Variants in KIAA1328 observed in about 807,000 individuals in gnomAD.
The protein encoded by KIAA1328 is KIAA1328, also known as protein hinderin.
In KIAA1328, 52 loss-of-function variants were observed where a neutral mutation model predicts 68.1. That is an observed-to-expected ratio of 0.76 (90% CI 0.61 to 0.96). The LOEUF is 0.96. KIAA1328 is among the 40% of genes least tolerant of loss of function. The pLI is 0.00. For missense variants in KIAA1328, 641 were observed against 677.6 expected, an observed-to-expected ratio of 0.95 and a Z score of 0.60; for synonymous variants, 232 against 239.4, an observed-to-expected ratio of 0.97 and a Z score of 0.28.
At chr18:36,894,136 C>T (rs2048792043) in intron 5 of KIAA1328, among the ~76,000 whole-genome samples, 1 of 152,154 alleles carries the variant, frequency 6.6e-6, no homozygotes, top group Non-Finnish European at 1.5e-5. Context: ...ACCAAGTGTT[C>T]TGCTTTTTTC....
intron 7 of KIAA1328, among the ~76,000 whole-genome samples, chr18:37,100,247 G>A (rs375245958): frequency 2.6e-5 from 4 of 152,176 alleles, no homozygotes; most frequent in Non-Finnish European, 5.9e-5. Flanking sequence ...GAAGCACAAG[G>A]GGTCAGGCAA....
chr18:37,073,342 T>A (rs2056600363), intron 7 of KIAA1328, among the ~76,000 whole-genome samples: 1 of 152,114 alleles, frequency 6.6e-6, no homozygotes, highest in Non-Finnish European at 1.5e-5. Flanking sequence ...CATCAAAAAG[T>A]GGGCAAAGCA....
At chr18:37,214,329 A>G (rs1393126426) in intron 9 of KIAA1328, among the ~76,000 whole-genome samples, 1 of 152,150 alleles carries the variant, frequency 6.6e-6, no homozygotes, top group Non-Finnish European at 1.5e-5. Flanking sequence ...TTTTTGTGTA[A>G]GGTGTAAAGA....
chr18:36,991,944 C>G (rs1320192489), intron 6 of KIAA1328, among the ~76,000 whole-genome samples: 1 of 152,088 alleles, frequency 6.6e-6, no homozygotes, highest in Non-Finnish European at 1.5e-5. Flanking sequence ...TGTAGTTGTT[C>G]GGGGGCCACC....
chr18:36,899,411 C>A (rs1428955282), intron 5 of KIAA1328, among the ~76,000 whole-genome samples: 1 of 151,696 alleles, frequency 6.6e-6, no homozygotes, highest in Non-Finnish European at 1.5e-5. Context: ...GTTGCTTGAT[C>A]AGAAAAGATC....
intron 6 of KIAA1328, among the ~76,000 whole-genome samples, chr18:36,993,130 A>C (rs1422178781): frequency 1.3e-5 from 2 of 152,200 alleles, no homozygotes; most frequent in African/African-American, 2.4e-5. Context: ...ACAAACAAAA[A>C]AAAGTAGTAA....
At chr18:37,214,014 A>C (rs1301796760) in intron 9 of KIAA1328, among the ~76,000 whole-genome samples, 3 of 151,978 alleles carry the variant, frequency 2.0e-5, no homozygotes, top group Non-Finnish European at 2.9e-5. Context: ...TTTTCTTGTA[A>C]ATTTGTTTAA....
At chr18:36,925,146 A>G (rs1429039651) in intron 5 of KIAA1328, 2 of 152,206 alleles carry the variant, frequency 1.3e-5, no homozygotes, top group Non-Finnish European at 2.9e-5. Context: ...TAAACTCTGT[A>G]AAGTTTTTTG....
chr18:37,131,184 A>G (rs980394970), intron 7 of KIAA1328, among the ~76,000 whole-genome samples: 1 of 152,224 alleles, frequency 6.6e-6, no homozygotes, highest in African/African-American at 2.4e-5. Flanking sequence ...TGTGAGACTT[A>G]CATGTTCTGT....
intron 6 of KIAA1328, among the ~76,000 whole-genome samples, chr18:36,974,320 CT>C (rs1598866113): frequency 6.6e-6 from 1 of 152,114 alleles, no homozygotes; most frequent in Non-Finnish European, 1.5e-5. Flanking sequence ...CTGCTCCCCC[CT>C]CATAGCCTCC....
At chr18:37,163,307 C>T (rs2154212012) in intron 8 of KIAA1328, among the ~76,000 whole-genome samples, 1 of 152,318 alleles carries the variant, frequency 6.6e-6, no homozygotes, top group East Asian at 1.9e-4. Flanking sequence ...AACCTCTGAC[C>T]TTGGCACTGC....
chr18:36,927,429 T>TA (rs1049819806), intron 5 of KIAA1328, among the ~76,000 whole-genome samples: 24 of 152,320 alleles, frequency 1.6e-4, no homozygotes, highest in African/African-American at 5.8e-4. Context: ...TTTTCCTTGA[T>TA]ATGATTATTT....
At chr18:36,944,665 G>T (rs2050835632) in intron 5 of KIAA1328, among the ~76,000 whole-genome samples, 1 of 152,094 alleles carries the variant, frequency 6.6e-6, no homozygotes, top group Non-Finnish European at 1.5e-5. Flanking sequence ...ATTTAATGAT[G>T]GGTAAAGAAA....
intron 6 of KIAA1328, among the ~76,000 whole-genome samples, chr18:37,034,386 G>A (rs1287135948): frequency 6.6e-6 from 1 of 151,678 alleles, no homozygotes; most frequent in African/African-American, 2.4e-5. Context: ...CAGGAGTCTT[G>A]TAAAGTATTT....
chr18:37,197,550 T>C (rs2060027302), intron 9 of KIAA1328, among the ~76,000 whole-genome samples: 1 of 152,162 alleles, frequency 6.6e-6, no homozygotes, highest in Non-Finnish European at 1.5e-5. Flanking sequence ...TGTTGTGTAC[T>C]TTGGAAGATG....
chr18:37,052,168 T>C (rs562831704), intron 6 of KIAA1328, among the ~76,000 whole-genome samples: 1 of 152,308 alleles, frequency 6.6e-6, no homozygotes, highest in African/African-American at 2.4e-5. Flanking sequence ...GTGGATTTTA[T>C]TCCTGAGATG....
At chr18:37,188,920 C>T (rs1262136546) in intron 9 of KIAA1328, among the ~76,000 whole-genome samples, 1 of 152,170 alleles carries the variant, frequency 6.6e-6, no homozygotes, top group Non-Finnish European at 1.5e-5. Flanking sequence ...TTTATGCTCT[C>T]TCTGCTCCTG....
intron 7 of KIAA1328, among the ~76,000 whole-genome samples, chr18:37,103,111 C>G (rs1483952251): frequency 1.3e-5 from 2 of 152,120 alleles, no homozygotes; most frequent in African/African-American, 4.8e-5. Flanking sequence ...CTATTCAGAG[C>G]AATGCAATCC....
intron 5 of KIAA1328, among the ~76,000 whole-genome samples, chr18:36,927,511 C>T (rs916944659): frequency 1.3e-5 from 2 of 152,166 alleles, no homozygotes; most frequent in Admixed American, 6.5e-5. Context: ...CTTTGGAAGG[C>T]TGCTACAGGC....
Sources: gnomAD v4.1 joint callset for allele counts (sites outside exome capture counted in the v4.1 genomes callset) on GRCh38, gnomAD v4.1.1 for gene constraint, MANE v1.5 for transcripts, NCBI Gene and HGNC (gene_info 2026-07-23, HGNC 2026-07-21) for gene names.